Variants in LACTB observed in about 807,000 individuals in gnomAD.
LACTB encodes lactamase beta.
Under a neutral mutation model 50.2 loss-of-function variants are expected in LACTB, and 35 were observed. The ratio of observed to expected loss-of-function variants is 0.70; its 90% CI spans 0.53 to 0.92. The LOEUF is 0.92. Among genes scored for constraint, LACTB ranks in the 40% least tolerant of loss-of-function variants. The pLI is 0.00. For missense variants in LACTB, 664 were observed against 691.8 expected (o/e 0.96, Z 0.45); for synonymous variants, 252 against 268.2 (o/e 0.94, Z 0.59).
intron 5 of LACTB, among the ~76,000 whole-genome samples, chr15:63,132,230 G>A (rs1425784226): frequency 2.0e-5 from 3 of 152,106 alleles, no homozygotes; most frequent in East Asian, 1.9e-4. Context: ...TGAGTCCTTG[G>A]TGTCTCTTGT....
chr15:63,133,767 AAC>A (rs2037153022), intron 5 of LACTB, among the ~76,000 whole-genome samples: 1 of 152,244 alleles, frequency 6.6e-6, no homozygotes, highest in Admixed American at 6.5e-5. Context: ...TACTTCAAAA[AAC>A]ACACATGGAA....
intron 5 of LACTB, 110 bp from the exon 6 acceptor site, chr15:63,141,170 T>C: frequency 6.9e-7 from 1 of 1,448,320 alleles, no homozygotes; most frequent in South Asian, 1.5e-5. Context: ...TCTGAGAATG[T>C]ATGATCATTA....
In LACTB at chr15:63,141,502, C is replaced by A; in HGVS notation, c.1341C>A (p.Val447=). The change falls in exon 6 of 6, where the codon GTC becomes GTA. Residue 447 remains valine, a synonymous_variant. Transcript: ENST00000261893. ...CAATGGTTATGATGTGGACCCCAGT[C>A]CCTAACACAGAGATGTCTTGGGATA... ...PETMVMMWTP[V]PNTEMSWDKE... The A allele has an allele frequency of 6.2e-7, 1 of 1,614,200 alleles. No individual in the cohort carries two copies. Among genetic ancestry groups the A allele is most frequent in the South Asian group, 1.1e-5 (1 of 91,084 alleles).
chr15:63,141,739 A>G lies in LACTB; in HGVS notation c.1578A>G (p.Gln526=), dbSNP rs765270032. 8.1e-6 allele frequency: 13 copies of G among 1,614,028 alleles called. No individual in the cohort carries two copies. Among genetic ancestry groups the G allele is most frequent in the South Asian group, 1.1e-5 (1 of 91,088 alleles). ...GIIVSIICNM[Q]SVGLNSTALK... is the part of the protein sequence containing the mutation. ...TTGTTTCTATCATATGTAACATGCAATCTGTTGGCCTCAATAGCACCGCTT... is the reference window on the plus strand; with the variant it reads ...TTGTTTCTATCATATGTAACATGCAGTCTGTTGGCCTCAATAGCACCGCTT... The change falls in exon 6 of 6, where the codon CAA becomes CAG. Residue 526 remains glutamine, a synonymous_variant. Transcript: ENST00000261893.
rs202002310 is a variant in LACTB, at chr15:63,126,768, G to A, written c.425-91G>A. ...GTATCTTTTCTTTTAGATAAACACA[G>A]CATGTTTAAAGATAGTATTATTTCA... On this transcript the variant is annotated intron_variant, in intron 2 of 5. Coordinates refer to ENST00000261893, the MANE Select transcript of LACTB (RefSeq NM_032857.5). 4.5e-6 allele frequency: 3 copies of A among 674,044 alleles called. No individual in the cohort carries two copies. In the East Asian group the frequency reaches 8.5e-5, roughly 19 times the overall value. The allele number at this position is 674,044 out of a possible 1,614,324, so 41.8% of individuals were successfully genotyped here.
chr15:63,133,170 AT>A (rs1160181277), intron 5 of LACTB, among the ~76,000 whole-genome samples: 1 of 152,206 alleles, frequency 6.6e-6, no homozygotes, highest in Non-Finnish European at 1.5e-5. Context: ...AAATGCTATG[AT>A]TTTATATAAT....
rs191740466 is a variant in LACTB, at chr15:63,129,904, C to T, written c.1118+254C>T. ...AATAACTAAACCAAAATTGCACCCA[C>T]CATGAGCATCTGTAATTTGCTCTTT... On this transcript the variant is annotated intron_variant, in intron 5 of 5. Coordinates refer to ENST00000261893, the MANE Select transcript of LACTB (RefSeq NM_032857.5). The T allele has an allele frequency of 1.7e-5, 5 of 289,552 alleles. No individual in the cohort carries two copies. In the Admixed American group the frequency reaches 2.6e-4, roughly 15 times the overall value. The allele number at this position is 289,552 out of a possible 1,614,324, so 17.9% of individuals were successfully genotyped here. A position where few individuals can be genotyped will look rare whatever the true frequency, so the allele number is the denominator to read the frequency against.
chr15:63,129,642 T>C lies in LACTB; in HGVS notation c.1110T>C (p.Asn370=). Residue 370 remains asparagine, a synonymous_variant, in exon 5 of 6, where the codon AAT becomes AAC. Coordinates refer to ENST00000261893, the MANE Select transcript of LACTB (RefSeq NM_032857.5). ...AAGAAAACGAGCCAGTGATTTACAATAGAGCAAGGTAAATGAATACCTTCT... is the reference window on the plus strand; with the variant it reads ...AAGAAAACGAGCCAGTGATTTACAACAGAGCAAGGTAAATGAATACCTTCT... The part of the protein sequence containing the change: ...VQEENEPVIY[N]RARFYVYNKK... The C allele has an allele frequency of 1.2e-6, 2 of 1,602,612 alleles. No individual in the cohort carries two copies. The highest frequency in any genetic ancestry group is 1.7e-6 in the Non-Finnish European group (2 of 1,174,906).
intron 5 of LACTB, chr15:63,130,975 G>T (rs1479092352): frequency 6.6e-6 from 1 of 152,162 alleles, no homozygotes; most frequent in Non-Finnish European, 1.5e-5. Context: ...CATCCATTCT[G>T]TATTTATCAG....
At chr15:63,130,515 GAAA>G in intron 5 of LACTB, 1 of 89,332 alleles carries the variant, frequency 1.1e-5, no homozygotes, top group Non-Finnish European at 2.6e-5. Flanking sequence ...GTCAAAAAAG[GAAA>G]AAAAAAAAAA....
chr15:63,134,270 G>C (rs1238343531), intron 5 of LACTB, among the ~76,000 whole-genome samples: 1 of 152,050 alleles, frequency 6.6e-6, no homozygotes, highest in East Asian at 1.9e-4. Context: ...GTACATTGCA[G>C]GTAGTAAAGG....
At chr15:63,123,420 A>G (rs1046927893) in intron 2 of LACTB, among the ~76,000 whole-genome samples, 9 of 152,184 alleles carry the variant, frequency 5.9e-5, no homozygotes, top group Non-Finnish European at 1.3e-4. Flanking sequence ...TACTGGGGTT[A>G]TACACTATTG....
chr15:63,141,697 TC>T lies in LACTB; in HGVS notation c.1541del (p.Pro514GlnfsTer22), dbSNP rs1566994708. On this transcript the variant is annotated frameshift_variant, in exon 6 of 6. Coordinates refer to ENST00000261893, the MANE Select transcript of LACTB (RefSeq NM_032857.5). LOFTEE classifies it high-confidence loss of function. Reference protein sequence around the residue: ...LDTETINNKVPPRGIIVSIIC... With the variant: ...LDTETINNKVXPRGIIVSIIC... Reference sequence around the variant, plus strand: ...ATACAGAGACTATAAATAACAAGGTTCCCCCAAGAGGAATCATTGTTTCTAT... The same window carrying T: ...ATACAGAGACTATAAATAACAAGGTTCCCCAAGAGGAATCATTGTTTCTAT... 1.2e-6 allele frequency: 2 copies of T among 1,613,988 alleles called. No homozygotes were observed. The highest frequency in any genetic ancestry group is 2.7e-5 in the African/African-American group (2 of 74,974).
intron 5 of LACTB, among the ~76,000 whole-genome samples, chr15:63,138,409 A>G (rs893216881): frequency 5.3e-5 from 8 of 152,256 alleles, no homozygotes; most frequent in Admixed American, 4.6e-4. Flanking sequence ...ATAAGTATGA[A>G]GAAGCTGTTT....
Position 63,122,080 on chromosome 15 carries a change from C to A in LACTB, c.209C>A (p.Ala70Glu), listed in dbSNP as rs762573699. ...LRGAAPAQSP[A>E]APDPEASPLA... is the part of the protein sequence containing the mutation. Reference sequence around the variant, plus strand: ...GGCGCGGCCCCGGCGCAGTCCCCCGCGGCCCCCGACCCTGAGGCGTCGCCT... The same window carrying A: ...GGCGCGGCCCCGGCGCAGTCCCCCGAGGCCCCCGACCCTGAGGCGTCGCCT... Residue 70 changes from alanine to glutamate, a missense_variant, in exon 1 of 6, where the codon GCG becomes GAG. Transcript: ENST00000261893. 6.9e-7 allele frequency: 1 copy of A among 1,449,470 alleles called. No homozygotes were observed. Among genetic ancestry groups the A allele is most frequent in the South Asian group, 1.4e-5 (1 of 72,932 alleles). 89.8% of individuals were successfully genotyped at this position (1,449,470 alleles called of 1,614,324 possible).
At position 63,141,973 on chromosome 15, in the gene LACTB, T is replaced by A; in HGVS notation, c.*168T>A. 1 of 594,884 alleles carries A rather than the reference T, an allele frequency of 1.7e-6. No homozygotes were observed. Among genetic ancestry groups the A allele is most frequent in the East Asian group, 2.8e-5 (1 of 35,848 alleles). The allele number at this position is 594,884 out of a possible 1,614,324, so 36.9% of individuals were successfully genotyped here. On this transcript the variant is annotated 3_prime_UTR_variant, in exon 6 of 6. Coordinates refer to ENST00000261893, the MANE Select transcript of LACTB (RefSeq NM_032857.5). ...TTTGTAATGGTCTTTTATTGTAGAA[T>A]TGGTTCTTTATACTCAGGGAAGTAA...
chr15:63,127,361 C>A lies in LACTB; in HGVS notation c.624C>A (p.Val208=). 1.9e-6 allele frequency: 3 copies of A among 1,555,074 alleles called. No individual in the cohort carries two copies. The South Asian group carries it at 3.7e-5, about 19-fold the overall frequency. Residue 208 remains valine (V), a synonymous_variant, in exon 4 of 6, where the codon GTC becomes GTA. Coordinates refer to ENST00000261893, the MANE Select transcript of LACTB (RefSeq NM_032857.5). Reference sequence around the variant, plus strand: ...CATGTTTTTACAATTAGGTTTCTGTCACAACAAGATTACTGATTTCCCATT... The same window carrying A: ...CATGTTTTTACAATTAGGTTTCTGTAACAACAAGATTACTGATTTCCCATT... ...EKEYEGEKVS[V]TTRLLISHLS...
chr15:63,126,586 G>C (rs772020776), intron 2 of LACTB, among the ~76,000 whole-genome samples: 2 of 152,162 alleles, frequency 1.3e-5, no homozygotes, highest in Non-Finnish European at 2.9e-5. Context: ...CAGTTGTTTA[G>C]ATAAGCTAAG....
In LACTB at chr15:63,141,785, G is replaced by C; in HGVS notation, c.1624G>C (p.Asp542His). Residue 542 changes from aspartate (D) to histidine (H), a missense_variant, in exon 6 of 6, where the codon GAT (aspartate) becomes CAT (histidine). Transcript: ENST00000261893. ...CGCTTTGAAGATTGCCCTTGAATTT[G>C]ATAAAGACAGATCAGACTGATAACC... ...STALKIALEF[D>H]KDRSD 3 of 1,612,932 alleles carry C rather than the reference G, an allele frequency of 1.9e-6. No individual in the cohort carries two copies. The highest frequency in any genetic ancestry group is 1.7e-6 in the Non-Finnish European group (2 of 1,179,160).
Sources: allele counts gnomAD v4.1 joint callset (sites outside exome capture counted in the v4.1 genomes callset), GRCh38; gene constraint gnomAD v4.1.1; transcripts MANE v1.5; gene names NCBI Gene and HGNC (gene_info 2026-07-23, HGNC 2026-07-21).